Variants in CNDP1 observed in about 807,000 individuals in gnomAD.
CNDP1 encodes beta-Ala-His dipeptidase.
CNDP1 carries 44 observed loss-of-function variants against 58.1 expected under a neutral mutation model. The ratio of observed to expected loss-of-function variants is 0.76; its 90% CI spans 0.60 to 0.97. The LOEUF (loss-of-function observed/expected upper bound fraction) is 0.97, where lower values mean the gene tolerates loss of function less well. Ranked by LOEUF, CNDP1 falls within the 50% of genes least tolerant of loss-of-function variation. CNDP1 has a pLI of 0.00. For missense variants in CNDP1, 616 were observed against 655.1 expected, an observed-to-expected ratio of 0.94 and a Z score of 0.65; for synonymous variants, 254 against 252.6, an observed-to-expected ratio of 1.01 and a Z score of -0.05.
intron 2 of CNDP1, among the ~76,000 whole-genome samples, chr18:74,557,727 G>C (rs764836548): frequency 6.6e-6 from 1 of 152,218 alleles, no homozygotes; most frequent in African/African-American, 2.4e-5. Flanking sequence ...CCCACATCAT[G>C]TCTGGCACAG....
At chr18:74,553,602 T>G (rs1281596269) in intron 1 of CNDP1, among the ~76,000 whole-genome samples, 3 of 152,248 alleles carry the variant, frequency 2.0e-5, no homozygotes, top group Admixed American at 6.5e-5. Context: ...TTTTCGGTTC[T>G]ATCCAATTGA....
intron 5 of CNDP1, among the ~76,000 whole-genome samples, chr18:74,565,477 T>C (rs1981302961): frequency 6.6e-6 from 1 of 152,186 alleles, no homozygotes; most frequent in Non-Finnish European, 1.5e-5. Context: ...CTAGATACAA[T>C]GTCAGTACAG....
intron 6 of CNDP1, among the ~76,000 whole-genome samples, chr18:74,570,943 G>T (rs1248580015): frequency 6.6e-6 from 1 of 152,160 alleles, no homozygotes; most frequent in Non-Finnish European, 1.5e-5. Context: ...GAATAGAGTT[G>T]GTGGAAGAGC....
intron 1 of CNDP1, among the ~76,000 whole-genome samples, chr18:74,538,419 G>C (rs1303361192): frequency 6.6e-6 from 1 of 152,226 alleles, no homozygotes; most frequent in South Asian, 2.1e-4. Context: ...GCCACATTTT[G>C]TATTTATCCA....
chr18:74,582,388 C>T (rs904928113), intron 10 of CNDP1, among the ~76,000 whole-genome samples: 4 of 152,212 alleles, frequency 2.6e-5, no homozygotes, highest in African/African-American at 9.7e-5. Flanking sequence ...GAACTCATCT[C>T]TTTCTAAAAC....
intron 1 of CNDP1, among the ~76,000 whole-genome samples, chr18:74,551,181 T>A (rs1201556823): frequency 1.3e-5 from 2 of 152,054 alleles, no homozygotes; most frequent in African/African-American, 2.4e-5. Context: ...GAGTAAAAGT[T>A]CCTTGAGACC....
At chr18:74,535,270 A>G (rs1479671191) in intron 1 of CNDP1, among the ~76,000 whole-genome samples, 3 of 152,230 alleles carry the variant, frequency 2.0e-5, no homozygotes, top group Non-Finnish European at 2.9e-5. Flanking sequence ...GTTCCAGACT[A>G]CTTGGAAAGA....
At chr18:74,580,336 C>T (rs1267207360) in intron 10 of CNDP1, 65 bp downstream of exon 10, 7 of 1,534,152 alleles carry the variant, frequency 4.6e-6, no homozygotes, top group Admixed American at 3.5e-5. Flanking sequence ...ACCCGTGGGA[C>T]CGTGGGTAAA....
chr18:74,574,674 C>T lies in CNDP1; in HGVS notation c.842-2195C>T, dbSNP rs565363725. ...TGAACAGGAGGGGAGGGGGCGAACT[C>T]TTAAGCATACTATTTTCATTCAAAT... On this transcript the variant is annotated intron_variant, in intron 7 of 11. Coordinates refer to ENST00000358821, the MANE Select transcript of CNDP1 (RefSeq NM_032649.6). 2.0e-5 allele frequency: 3 copies of T among 152,310 alleles called. No individual in the cohort carries two copies. In the South Asian group the frequency reaches 6.2e-4, roughly 32 times the overall value. The allele number at this position is 152,310 out of a possible 1,614,324, so 9.4% of individuals were successfully genotyped here. A position where few individuals can be genotyped will look rare whatever the true frequency, so the allele number is the denominator to read the frequency against.
At chr18:74,578,999 C>G (rs1306274213) in intron 9 of CNDP1, among the ~76,000 whole-genome samples, 1 of 152,064 alleles carries the variant, frequency 6.6e-6, no homozygotes, top group Admixed American at 6.6e-5. Flanking sequence ...TATTTCATCC[C>G]AACAGTCATT....
chr18:74,544,155 G>A (rs893897551), intron 1 of CNDP1, among the ~76,000 whole-genome samples: 1 of 152,104 alleles, frequency 6.6e-6, no homozygotes, highest in Non-Finnish European at 1.5e-5. Flanking sequence ...AGGAGGCACA[G>A]ACAGAAGAAT....
intron 4 of CNDP1, 155 bp from the exon 5 acceptor site, chr18:74,561,892 A>G: frequency 1.6e-6 from 1 of 608,474 alleles, no homozygotes; most frequent in Admixed American, 2.6e-5. Flanking sequence ...TTTGTACATA[A>G]GAAATCATAC....
chr18:74,538,920 A>C (rs1256395039), intron 1 of CNDP1, among the ~76,000 whole-genome samples: 1 of 152,120 alleles, frequency 6.6e-6, no homozygotes, highest in Admixed American at 6.5e-5. Context: ...CGAGTATAAA[A>C]AGTCTCCCTA....
chr18:74,544,536 G>A (rs1027488181), intron 1 of CNDP1, among the ~76,000 whole-genome samples: 1 of 151,988 alleles, frequency 6.6e-6, no homozygotes, highest in African/African-American at 2.4e-5. Context: ...GGCCAACATG[G>A]TGAAACCCCA....
chr18:74,551,395 A>ACACACACACAC (rs1568293393), intron 1 of CNDP1, among the ~76,000 whole-genome samples: 82 of 109,546 alleles, frequency 7.5e-4, no homozygotes, highest in African/African-American at 2.7e-3. Flanking sequence ...CACACACACA[A>ACACACACACAC]ACAAAAACAG....
At chr18:74,565,147 C>T (rs746103539) in intron 5 of CNDP1, among the ~76,000 whole-genome samples, 28 of 152,172 alleles carry the variant, frequency 1.8e-4, no homozygotes, top group African/African-American at 2.9e-4. Flanking sequence ...TTCACTATCA[C>T]GAGAATAGCA....
chr18:74,558,365 A>G lies in CNDP1; in HGVS notation c.154-958A>G, dbSNP rs112935010. Among the ~76,000 whole-genome samples the G allele has an allele frequency of 3.8e-4, 55 of 142,868 alleles. 1 individual carries two copies. The East Asian group carries it at 0.01, about 27-fold the overall frequency. 93.7% of individuals were successfully genotyped at this position (142,868 alleles called of 152,430 possible). On this transcript the variant is annotated intron_variant, in intron 2 of 11. Coordinates refer to ENST00000358821, the MANE Select transcript of CNDP1 (RefSeq NM_032649.6). ...CCTCAGTGGTCCTCACCATCACCCT[A>G]TAGTTAGGGAGCATTACTTTCTTTT...
chr18:74,560,888 C>T lies in CNDP1; in HGVS notation c.336C>T (p.Pro112=), dbSNP rs762435209. 2.5e-5 allele frequency: 40 copies of T among 1,613,974 alleles called. No individual in the cohort carries two copies. The highest frequency in any genetic ancestry group is 3.3e-5 in the Non-Finnish European group (39 of 1,179,986). Residue 112 remains proline (P), a synonymous_variant, in exon 4 of 12, where the codon CCC becomes CCT. Transcript: ENST00000358821. ...LPDGQSLPIP[P]VILAELGSDP... ...ATGGTCAGAGTCTTCCAATACCTCC[C>T]GTCATCCTGGCCGAACTGGGGAGCG...
intron 6 of CNDP1, 104 bp from the exon 7 acceptor site, chr18:74,571,082 G>A (rs1432939342): frequency 5.5e-6 from 4 of 732,028 alleles, no homozygotes; most frequent in Non-Finnish European, 9.6e-6. Context: ...TTGCCTACCT[G>A]AGTTCTGAGG....
Sources: gnomAD v4.1 joint callset for allele counts (sites outside exome capture counted in the v4.1 genomes callset) on GRCh38, gnomAD v4.1.1 for gene constraint, MANE v1.5 for transcripts, NCBI Gene and HGNC (gene_info 2026-07-23, HGNC 2026-07-21) for gene names.